TRAP1: variants seen among roughly 807,000 people sequenced by gnomAD.
TRAP1 encodes the protein heat shock protein 75 kDa, mitochondrial.
TRAP1 carries 102 observed loss-of-function variants against 89.1 expected under a neutral mutation model. The observed-to-expected ratio is 1.15, with a 90% CI of 0.98 to 1.35. The LOEUF (loss-of-function observed/expected upper bound fraction) is 1.35. TRAP1 is among the 40% of genes most tolerant of loss of function. TRAP1 has a pLI of 0.00. For missense variants in TRAP1, 1,256 were observed against 945.3 expected, an observed-to-expected ratio of 1.33 and a Z score of -4.31; for synonymous variants, 508 against 388.0, an observed-to-expected ratio of 1.31 and a Z score of -3.64.
intron 11 of TRAP1, among the ~76,000 whole-genome samples, chr16:3,669,401 C>G (rs1236141916): frequency 6.6e-6 from 1 of 152,176 alleles, no homozygotes; most frequent in African/African-American, 2.4e-5. Flanking sequence ...TGTGGGGAAA[C>G]AAGCACTGAG....
chr16:3,691,859 C>T (rs759961431), intron 1 of TRAP1, among the ~76,000 whole-genome samples: 3 of 152,160 alleles, frequency 2.0e-5, no homozygotes, highest in Non-Finnish European at 2.9e-5. Context: ...GGAGACTTGT[C>T]TTCTGTAACT....
chr16:3,709,177 A>C (rs12596445), intron 1 of TRAP1, among the ~76,000 whole-genome samples: 29,632 of 147,444 alleles, frequency 0.2, 3,650 homozygotes, highest in East Asian at 0.35. Context: ...CGGTGAGCCA[A>C]GATCACGCCA....
chr16:3,661,855 C>T, intron 16 of TRAP1, 132 bp downstream of exon 16: 5 of 1,221,570 alleles, frequency 4.1e-6, no homozygotes, highest in Non-Finnish European at 4.4e-6. Flanking sequence ...CTGCATACAG[C>T]TCCTTATAGT....
chr16:3,691,080 C>T (rs78424170), intron 1 of TRAP1, 95 bp from the exon 2 acceptor site: 21 of 1,184,688 alleles, frequency 1.8e-5, no homozygotes, highest in South Asian at 4.0e-5. Flanking sequence ...CAGAAGCTAG[C>T]GTGGACATCT....
intron 1 of TRAP1, among the ~76,000 whole-genome samples, chr16:3,710,879 A>ATATATATTT (rs71133652): frequency 3.1e-4 from 39 of 125,796 alleles, no homozygotes; most frequent in African/African-American, 1.2e-3. Flanking sequence ...ATATATATAT[A>ATATATATTT]TTTTTTTTTT....
At chr16:3,709,233 A>G (rs955267247) in intron 1 of TRAP1, among the ~76,000 whole-genome samples, 15 of 151,456 alleles carry the variant, frequency 9.9e-5, no homozygotes, top group Non-Finnish European at 2.1e-4. Flanking sequence ...ATCTCAAAAA[A>G]AAAAAAAAAA....
chr16:3,682,506 C>T (rs1173870717), intron 4 of TRAP1, among the ~76,000 whole-genome samples: 1 of 152,116 alleles, frequency 6.6e-6, no homozygotes, highest in Non-Finnish European at 1.5e-5. Context: ...TCTCCTGCCT[C>T]AGCCTCCCGA....
intron 8 of TRAP1, 170 bp from the exon 9 acceptor site, chr16:3,674,664 G>T: frequency 6.5e-6 from 5 of 766,754 alleles, no homozygotes; most frequent in Non-Finnish European, 1.0e-5. Context: ...GCTATGCCGG[G>T]TAGTGCAGGG....
At chr16:3,702,101 C>A (rs921529007) in intron 1 of TRAP1, among the ~76,000 whole-genome samples, 1 of 151,834 alleles carries the variant, frequency 6.6e-6, no homozygotes, top group Non-Finnish European at 1.5e-5. Context: ...CCAGCCTGGG[C>A]GACACAGTGA....
rs1319277682 is a variant in TRAP1 at position 3,675,314 on chromosome 16, C to G, written c.888+10G>C. The stretch of plus-strand genomic sequence containing the variant: ...TGTTTGACCAGTCCCTAGAGGAACT[C>G]AGGGCTCACCTGCAAGGTGTTCATC... On this transcript the variant is annotated intron_variant, in intron 8 of 17. Transcript: ENST00000246957. 2.5e-6 allele frequency: 4 copies of G among 1,613,782 alleles called. No individual in the cohort carries two copies. The highest frequency in any genetic ancestry group is 4.5e-5 in the East Asian group (2 of 44,884).
At chr16:3,661,530 G>C (rs557801804) in intron 16 of TRAP1, 108 of 153,706 alleles carry the variant, frequency 7.0e-4, no homozygotes, top group Middle Eastern at 6.5e-3. Context: ...CAGCAGAGCA[G>C]AACGGAGCAG....
chr16:3,675,935 A>C, intron 7 of TRAP1, 101 bp downstream of exon 7: 1 of 1,041,002 alleles, frequency 9.6e-7, no homozygotes, highest in Non-Finnish European at 1.4e-6. Context: ...CTGCCTGTGC[A>C]CCCTACGTGC....
rs545522111 is a variant in TRAP1 at position 3,667,704 on chromosome 16, C to T, written c.1236-1586G>A. The stretch of plus-strand genomic sequence containing the variant: ...CAAGATTATAAACTCTTGAATAAAA[C>T]AGGAAATCAGCCCATATAAATAAAT... On this transcript the variant is annotated intron_variant, in intron 11 of 17. Coordinates refer to ENST00000246957, the MANE Select transcript of TRAP1 (RefSeq NM_016292.3). Among the ~76,000 whole-genome samples, 12 of 150,796 alleles carry T rather than the reference C, an allele frequency of 8.0e-5. No individual in the cohort carries two copies. In the East Asian group the frequency reaches 2.1e-3, roughly 27 times the overall value.
intron 1 of TRAP1, among the ~76,000 whole-genome samples, chr16:3,705,209 C>T (rs984776870): frequency 6.6e-6 from 1 of 151,996 alleles, no homozygotes; most frequent in Admixed American, 6.6e-5. Flanking sequence ...GGACTACAGG[C>T]GCCCGCCACC....
intron 1 of TRAP1, among the ~76,000 whole-genome samples, chr16:3,703,043 G>GA (rs36093237): frequency 0.061 from 2,630 of 43,020 alleles, 204 homozygotes; most frequent in Non-Finnish European, 0.084. Context: ...ACTCCGTCTT[G>GA]AAAAAAAAAA....
Position 3,674,478 on chromosome 16 carries a change from T to G in TRAP1, c.905A>C (p.Asp302Ala). ...MNTLQAIWMM[D>A]PKDVREWQHE... The stretch of plus-strand genomic sequence containing the variant: ...TTGCCACTCACGGACATCCTTGGGG[T>G]CCATCATCCAGATGGCCTGGAAACG... The change falls in exon 9 of 18, where the codon GAC (aspartate) becomes GCC (alanine). Residue 302 changes from aspartate (D) to alanine (A), a missense_variant. By Grantham distance (126) the Asp-to-Ala change is moderately radical. Transcript: ENST00000246957. The G allele has an allele frequency of 6.2e-7, 1 of 1,613,788 alleles. No individual in the cohort carries two copies. The highest frequency in any genetic ancestry group is 8.5e-7 in the Non-Finnish European group (1 of 1,179,958).
intron 1 of TRAP1, among the ~76,000 whole-genome samples, chr16:3,712,890 A>G (rs2051550605): frequency 6.6e-6 from 1 of 152,192 alleles, no homozygotes; most frequent in Non-Finnish European, 1.5e-5. Context: ...TGCTGGGATT[A>G]CAGACGAGAG....
intron 4 of TRAP1, among the ~76,000 whole-genome samples, chr16:3,680,934 G>A (rs555673507): frequency 6.6e-6 from 1 of 152,238 alleles, no homozygotes; most frequent in South Asian, 2.1e-4. Flanking sequence ...TAAGCAATAG[G>A]GTTCTGTTGT....
intron 11 of TRAP1, among the ~76,000 whole-genome samples, chr16:3,669,758 G>A (rs560455977): frequency 5.8e-4 from 87 of 150,512 alleles, no homozygotes; most frequent in Admixed American, 1.3e-3. Context: ...GCATGAACCC[G>A]GGAGGCGGAG....
Sources: gnomAD v4.1 joint callset for allele counts (sites outside exome capture counted in the v4.1 genomes callset) on GRCh38, gnomAD v4.1.1 for gene constraint, MANE v1.5 for transcripts, NCBI Gene and HGNC (gene_info 2026-07-23, HGNC 2026-07-21) for gene names.